The following GPC6 variants were observed in gnomAD, a reference collection of about 807,000 sequenced individuals.
GPC6 encodes glypican-6.
Under a neutral mutation model 55.2 loss-of-function variants are expected in GPC6, and 14 were observed. The observed-to-expected ratio is 0.25, with a 90% CI of 0.17 to 0.40. The LOEUF (loss-of-function observed/expected upper bound fraction) is 0.40. Ranked by LOEUF, GPC6 falls within the 10% of genes least tolerant of loss-of-function variation. GPC6 has a pLI of 1.00. For synonymous variants in GPC6, 278 were observed against 259.6 expected, an observed-to-expected ratio of 1.07 and a Z score of -0.68; for missense variants, 641 against 708.5, an observed-to-expected ratio of 0.90 and a Z score of 1.08.
intron 2 of GPC6, among the ~76,000 whole-genome samples, chr13:93,632,595 A>ATATATG (rs1879499327): frequency 1.9e-5 from 1 of 51,658 alleles, no homozygotes; most frequent in Admixed American, 1.9e-4. Context: ...TCTCAAATAT[A>ATATATG]TGTATATGTG....
chr13:93,602,906 C>G (rs184781423), intron 2 of GPC6, among the ~76,000 whole-genome samples: 1 of 152,302 alleles, frequency 6.6e-6, no homozygotes, highest in African/African-American at 2.4e-5. Context: ...CAGCTAAGTC[C>G]ATGCAAACAT....
At chr13:94,093,977 A>T (rs1445175626) in intron 4 of GPC6, among the ~76,000 whole-genome samples, 1 of 152,158 alleles carries the variant, frequency 6.6e-6, no homozygotes, top group African/African-American at 2.4e-5. Flanking sequence ...AAAATGCAAT[A>T]TTTCAATTAG....
chr13:93,677,785 T>A (rs1881698281), intron 2 of GPC6, among the ~76,000 whole-genome samples: 1 of 152,122 alleles, frequency 6.6e-6, no homozygotes, highest in Non-Finnish European at 1.5e-5. Flanking sequence ...CTAGAATAAC[T>A]GATTTTGGAG....
At chr13:94,172,870 C>G (rs1220267977) in intron 4 of GPC6, among the ~76,000 whole-genome samples, 1 of 152,140 alleles carries the variant, frequency 6.6e-6, no homozygotes, top group East Asian at 1.9e-4. Flanking sequence ...GAGTAAAGTT[C>G]AGATAGACAC....
At chr13:93,903,055 C>T (rs1876451719) in intron 3 of GPC6, among the ~76,000 whole-genome samples, 1 of 152,128 alleles carries the variant, frequency 6.6e-6, no homozygotes, top group Non-Finnish European at 1.5e-5. Context: ...TCACCATATA[C>T]AAAAATCAAC....
intron 4 of GPC6, among the ~76,000 whole-genome samples, chr13:94,068,707 C>T (rs559207597): frequency 2.0e-5 from 3 of 152,244 alleles, no homozygotes; most frequent in African/African-American, 7.2e-5. Flanking sequence ...GCTACAGGCC[C>T]CTTGAAGTCT....
intron 4 of GPC6, among the ~76,000 whole-genome samples, chr13:94,153,332 C>T (rs2138899452): frequency 6.6e-6 from 1 of 152,128 alleles, no homozygotes; most frequent in South Asian, 2.1e-4. Flanking sequence ...CCAATTAGAT[C>T]AAATACTTAA....
chr13:94,342,688 G>T (rs1056995864), intron 6 of GPC6, among the ~76,000 whole-genome samples: 1 of 152,148 alleles, frequency 6.6e-6, no homozygotes, highest in Admixed American at 6.5e-5. Flanking sequence ...AATCCCACGG[G>T]GAAATTCTTT....
At chr13:93,511,492 G>A (rs1880971483) in intron 1 of GPC6, among the ~76,000 whole-genome samples, 1 of 151,742 alleles carries the variant, frequency 6.6e-6, no homozygotes, top group African/African-American at 2.4e-5. Context: ...CTCTAAATAT[G>A]TGGCTTTATT....
intron 4 of GPC6, among the ~76,000 whole-genome samples, chr13:94,278,921 A>C (rs889025725): frequency 6.6e-6 from 1 of 151,984 alleles, no homozygotes; most frequent in Non-Finnish European, 1.5e-5. Context: ...TTTCTGCCAG[A>C]TTTTGGTATC....
At position 94,046,157 on chromosome 13, in the gene GPC6, T is replaced by C. The variant is rs114238197; in HGVS notation, c.877+18263T>C. Reference sequence around the variant, plus strand: ...CAGAGACTGGAGTAACTGATCTCCATGTCCCACCCACAGCAATAACCATGA... The same window carrying C: ...CAGAGACTGGAGTAACTGATCTCCACGTCCCACCCACAGCAATAACCATGA... On this transcript the variant is annotated intron_variant, in intron 4 of 8. Coordinates refer to ENST00000377047, the MANE Select transcript of GPC6 (RefSeq NM_005708.5). Among the ~76,000 whole-genome samples, 801 of 152,154 alleles carry C rather than the reference T, an allele frequency of 5.3e-3. 11 individuals carry two copies. Among genetic ancestry groups the C allele is most frequent in the African/African-American group, 0.018 (765 of 41,548 alleles).
At chr13:93,583,979 GT>G (rs1220820521) in intron 2 of GPC6, among the ~76,000 whole-genome samples, 2 of 152,110 alleles carry the variant, frequency 1.3e-5, no homozygotes, top group African/African-American at 4.8e-5. Flanking sequence ...TTCATACTCC[GT>G]GTACCTACAT....
At chr13:94,265,089 A>G (rs531114752) in intron 4 of GPC6, among the ~76,000 whole-genome samples, 1 of 152,338 alleles carries the variant, frequency 6.6e-6, no homozygotes, top group African/African-American at 2.4e-5. Context: ...GCCAGACCAT[A>G]TCAACTTGTT....
chr13:93,230,356 G>T (rs1280846418), intron 1 of GPC6, among the ~76,000 whole-genome samples: 1 of 152,138 alleles, frequency 6.6e-6, no homozygotes, highest in Admixed American at 6.5e-5. Context: ...AGATGAGGAA[G>T]TATCACAGGT....
intron 1 of GPC6, among the ~76,000 whole-genome samples, chr13:93,288,767 T>A (rs1186693624): frequency 6.6e-6 from 1 of 152,210 alleles, no homozygotes; most frequent in African/African-American, 2.4e-5. Context: ...ATGAGTGACC[T>A]TCAGTGCTTT....
chr13:93,515,863 A>G (rs923480218), intron 1 of GPC6, among the ~76,000 whole-genome samples: 7 of 152,182 alleles, frequency 4.6e-5, no homozygotes, highest in South Asian at 4.1e-4. Context: ...AGAAAAAGTC[A>G]TATCTATAGA....
chr13:93,677,683 T>G (rs1422400234), intron 2 of GPC6, among the ~76,000 whole-genome samples: 1 of 152,104 alleles, frequency 6.6e-6, no homozygotes, highest in East Asian at 1.9e-4. Flanking sequence ...TTTAATAAAC[T>G]GTCTGTCATT....
intron 4 of GPC6, among the ~76,000 whole-genome samples, chr13:94,058,547 A>C (rs984404119): frequency 6.6e-6 from 1 of 152,136 alleles, no homozygotes; most frequent in Non-Finnish European, 1.5e-5. Context: ...GGTGGTTACA[A>C]TCAAAGCCAA....
At chr13:94,052,432 T>C (rs755633841) in intron 4 of GPC6, among the ~76,000 whole-genome samples, 11 of 152,114 alleles carry the variant, frequency 7.2e-5, no homozygotes, top group Non-Finnish European at 1.5e-4. Flanking sequence ...GAAAGTTTGG[T>C]TGGGGCTAGG....
Sources: allele counts gnomAD v4.1 joint callset (sites outside exome capture counted in the v4.1 genomes callset), GRCh38; gene constraint gnomAD v4.1.1; transcripts MANE v1.5; gene names NCBI Gene and HGNC (gene_info 2026-07-23, HGNC 2026-07-21).